Variants in ANXA8 observed in about 807,000 individuals in gnomAD.
ANXA8 encodes the protein annexin A8.
In ANXA8, 9 loss-of-function variants were observed where a neutral mutation model predicts 26.8. The ratio of observed to expected loss-of-function variants is 0.34; its 90% CI spans 0.20 to 0.59. The LOEUF (loss-of-function observed/expected upper bound fraction) is 0.59, where lower values mean the gene tolerates loss of function less well. Ranked by LOEUF, ANXA8 falls within the 20% of genes least tolerant of loss-of-function variation. The probability of loss-of-function intolerance (pLI) is 0.84; values close to 1 mark genes in which losing one functional copy is unlikely to be tolerated. For synonymous variants in ANXA8, 39 were observed against 94.8 expected, an observed-to-expected ratio of 0.41 and a Z score of 3.42; for missense variants, 83 against 238.5, an observed-to-expected ratio of 0.35 and a Z score of 4.29.
At chr10:47,544,148 C>T in the ANXA8 span, among the ~76,000 whole-genome samples, 8 of 151,890 alleles carry the variant, frequency 5.3e-5, no homozygotes, top group Non-Finnish European at 1.5e-5. Flanking sequence ...TAGGATGGGG[C>T]CACATCCTGT....
the ANXA8 span, among the ~76,000 whole-genome samples, chr10:47,735,261 G>A: frequency 7.1e-6 from 1 of 140,988 alleles, no homozygotes; most frequent in Non-Finnish European, 1.5e-5. Context: ...CACAACAACT[G>A]ATTTTTTATT....
chr10:47,527,567 G>A, the ANXA8 span, among the ~76,000 whole-genome samples: 4,566 of 148,536 alleles, frequency 0.031, 261 homozygotes, highest in African/African-American at 0.11. Flanking sequence ...ATAGGTACTC[G>A]ACATGTATTA....
chr10:47,627,654 T>C, the ANXA8 span, among the ~76,000 whole-genome samples: 1 of 150,166 alleles, frequency 6.7e-6, no homozygotes, highest in Non-Finnish European at 1.5e-5. Context: ...TACTTAACTT[T>C]CTTCTGAAAA....
chr10:47,936,899 C>G, the ANXA8 span, among the ~76,000 whole-genome samples: 2 of 151,710 alleles, frequency 1.3e-5, no homozygotes, highest in African/African-American at 4.8e-5. Context: ...AGTGTATGGG[C>G]TGCTAAGTAC....
chr10:47,503,678 C>G, the ANXA8 span: 1 of 579,630 alleles, frequency 1.7e-6, no homozygotes, highest in Non-Finnish European at 3.0e-6. Flanking sequence ...GTAATCACAG[C>G]ACTTTGGGAG....
chr10:47,733,173 CTTTCTTTCTTT>C, the ANXA8 span, among the ~76,000 whole-genome samples: 1 of 100,590 alleles, frequency 9.9e-6, no homozygotes, highest in Non-Finnish European at 2.4e-5. Flanking sequence ...TTCTTTCTTT[CTTTCTTTCTTT>C]CTTTCTTTCT....
the ANXA8 span, among the ~76,000 whole-genome samples, chr10:47,966,419 C>T: frequency 2.0e-5 from 3 of 150,974 alleles, no homozygotes; most frequent in Non-Finnish European, 4.4e-5. Context: ...ACCCGAATCC[C>T]TGGAGAAGGG....
chr10:47,744,456 G>C, the ANXA8 span, among the ~76,000 whole-genome samples: 423 of 133,798 alleles, frequency 3.2e-3, 1 homozygote, highest in Middle Eastern at 0.012. Flanking sequence ...GGGCCTTGCA[G>C]ATTTACCAAG....
chr10:47,949,691 T>C, the ANXA8 span, among the ~76,000 whole-genome samples: 1 of 150,044 alleles, frequency 6.7e-6, no homozygotes, highest in African/African-American at 2.5e-5. Context: ...TATAATAGTA[T>C]ATTTGTAATG....
chr10:47,497,964 C>G, the ANXA8 span, among the ~76,000 whole-genome samples: 4 of 152,014 alleles, frequency 2.6e-5, no homozygotes, highest in African/African-American at 4.8e-5. Context: ...AATAATAATT[C>G]TATTTTGAAT....
chr10:47,474,240 G>C lies in ANXA8; in HGVS notation c.646+65C>G, dbSNP rs1373706622. 1.9e-6 allele frequency: 3 copies of C among 1,571,602 alleles called. No homozygotes were observed. In the African/African-American group the frequency reaches 4.0e-5, roughly 21 times the overall value. ...TCTAGACTTGACAAGGCAGAAGCAC[G>C]AGGGAGAGGCTCATGGCCAGGACAC... On this transcript the variant is annotated intron_variant, in intron 8 of 11. Coordinates refer to ENST00000585281, the MANE Select transcript of ANXA8 (RefSeq NM_001040084.3).
the ANXA8 span, among the ~76,000 whole-genome samples, chr10:47,590,700 T>C: frequency 6.9e-6 from 1 of 145,832 alleles, no homozygotes; most frequent in Non-Finnish European, 1.5e-5. Flanking sequence ...TGATAAAACC[T>C]ATTCCTGCTT....
chr10:47,733,219 T>TTCTTTCTCTCTCTCTCTCTC, the ANXA8 span, among the ~76,000 whole-genome samples: 7 of 68,098 alleles, frequency 1.0e-4, no homozygotes, highest in East Asian at 4.7e-4. Flanking sequence ...CTTTCTTTCT[T>TTCTTTCTCTCTCTCTCTCTC]TCTCTTTCTT....
chr10:47,755,073 C>T, the ANXA8 span, among the ~76,000 whole-genome samples: 696 of 148,016 alleles, frequency 4.7e-3, 2 homozygotes, highest in Non-Finnish European at 8.1e-3. Context: ...TCTTCTGCTT[C>T]AGCCTCCCGA....
At chr10:47,706,963 A>AC in the ANXA8 span, among the ~76,000 whole-genome samples, 2 of 142,374 alleles carry the variant, frequency 1.4e-5, no homozygotes, top group African/African-American at 4.9e-5. Context: ...TTAAGCAATC[A>AC]TATTTTCAAT....
the ANXA8 span, among the ~76,000 whole-genome samples, chr10:47,645,777 T>C: frequency 6.7e-6 from 1 of 150,214 alleles, no homozygotes; most frequent in South Asian, 2.1e-4. Flanking sequence ...CCAATATCTA[T>C]GGGCATCCTT....
the ANXA8 span, among the ~76,000 whole-genome samples, chr10:47,587,910 G>T: frequency 1.4e-5 from 2 of 146,206 alleles, no homozygotes; most frequent in Admixed American, 1.3e-4. Flanking sequence ...CTGTGAACTG[G>T]GGTGACCCTG....
At chr10:47,958,052 C>A in the ANXA8 span, among the ~76,000 whole-genome samples, 1 of 150,478 alleles carries the variant, frequency 6.6e-6, no homozygotes, top group Non-Finnish European at 1.5e-5. Flanking sequence ...TGGACCCAGA[C>A]CAACCTTTTG....
At chr10:47,973,922 T>A in the ANXA8 span, among the ~76,000 whole-genome samples, 1 of 151,072 alleles carries the variant, frequency 6.6e-6, no homozygotes. Flanking sequence ...CGTTGGTAGG[T>A]TTTTTATTAT....
Sources: allele counts gnomAD v4.1 joint callset (sites outside exome capture counted in the v4.1 genomes callset), GRCh38; gene constraint gnomAD v4.1.1; transcripts MANE v1.5; gene names NCBI Gene and HGNC (gene_info 2026-07-23, HGNC 2026-07-21).